Variants in MRPS9 observed in about 807,000 individuals in gnomAD.
MRPS9 encodes mitochondrial ribosomal protein S9, also known as small ribosomal subunit protein uS9m.
Under a neutral mutation model 59.9 loss-of-function variants are expected in MRPS9, and 45 were observed. The observed-to-expected ratio is 0.75, with a 90% CI of 0.59 to 0.96. The LOEUF is 0.96. Ranked by LOEUF, MRPS9 falls within the 40% of genes least tolerant of loss-of-function variation. MRPS9 has a pLI of 0.00. For missense variants in MRPS9, 473 were observed against 481.1 expected (o/e 0.98, Z 0.16); for synonymous variants, 171 against 166.8 (o/e 1.03, Z -0.19).
At chr2:105,053,206 G>A (rs564079343) in intron 2 of MRPS9, among the ~76,000 whole-genome samples, 67 of 152,292 alleles carry the variant, frequency 4.4e-4, no homozygotes, top group African/African-American at 1.5e-3. Flanking sequence ...GTTGTTTGGA[G>A]TAGTTTGTTC....
At chr2:105,046,654 CG>C (rs1214153387) in intron 1 of MRPS9, among the ~76,000 whole-genome samples, 1 of 151,986 alleles carries the variant, frequency 6.6e-6, no homozygotes, top group Non-Finnish European at 1.5e-5. Context: ...AGGAGCCATA[CG>C]CTCCAGGAGG....
chr2:105,084,640 C>T (rs1680413760), intron 5 of MRPS9, among the ~76,000 whole-genome samples: 1 of 152,158 alleles, frequency 6.6e-6, no homozygotes, highest in Admixed American at 6.5e-5. Flanking sequence ...AGTGACCCTT[C>T]TCGCAGTGAG....
intron 2 of MRPS9, among the ~76,000 whole-genome samples, chr2:105,057,908 AG>A (rs1408062174): frequency 2.6e-5 from 4 of 152,070 alleles, no homozygotes; most frequent in African/African-American, 9.7e-5. Context: ...TTAAAAGTTA[AG>A]TTCTACATTA....
At chr2:105,092,672 G>C (rs183594336) in intron 8 of MRPS9, 103 bp downstream of exon 8, 230 of 1,083,212 alleles carry the variant, frequency 2.1e-4, no homozygotes, top group Non-Finnish European at 2.5e-4. Context: ...TTTTTTATTT[G>C]TTTATTTTTG....
intron 2 of MRPS9, among the ~76,000 whole-genome samples, chr2:105,053,834 A>C (rs1679753819): frequency 6.6e-6 from 1 of 152,234 alleles, no homozygotes; most frequent in African/African-American, 2.4e-5. Context: ...TGATTGTGTT[A>C]ACAGAATATT....
At chr2:105,072,720 A>T (rs752356888) in intron 4 of MRPS9, among the ~76,000 whole-genome samples, 2 of 152,236 alleles carry the variant, frequency 1.3e-5, no homozygotes, top group Non-Finnish European at 2.9e-5. Flanking sequence ...AGATATTTCT[A>T]TAGAAGACTT....
At chr2:105,087,800 T>TTTCC (rs59753300) in intron 5 of MRPS9, among the ~76,000 whole-genome samples, 3,351 of 138,640 alleles carry the variant, frequency 0.024, 57 homozygotes, top group Middle Eastern at 0.11. Context: ...TCCTGCCTTT[T>TTTCC]TTCCTTCCTT....
At chr2:105,077,145 T>G (rs1345842491) in intron 4 of MRPS9, among the ~76,000 whole-genome samples, 1 of 150,974 alleles carries the variant, frequency 6.6e-6, no homozygotes, top group Non-Finnish European at 1.5e-5. Flanking sequence ...CTCGGGAGGC[T>G]AAGGCAGGAG....
rs745323074 is a variant in MRPS9 at position 105,097,138 on chromosome 2, C to T, written c.930-17C>T. On this transcript the variant is annotated splice_polypyrimidine_tract_variant and intron_variant, in intron 9 of 10. Coordinates refer to ENST00000258455, the MANE Select transcript of MRPS9 (RefSeq NM_182640.3). The stretch of plus-strand genomic sequence containing the variant: ...TTTATAGTAAACGTAACCACATTTA[C>T]TTGTGCTGTGCTTTAGAGAACAGCT... 4.7e-6 allele frequency: 7 copies of T among 1,490,612 alleles called. No homozygotes were observed. In the South Asian group the frequency reaches 9.8e-5, roughly 21 times the overall value. 92.3% of individuals were successfully genotyped at this position (1,490,612 alleles called of 1,614,324 possible). A position where few individuals can be genotyped will look rare whatever the true frequency, so the allele number is the denominator to read the frequency against.
chr2:105,079,166 G>T (rs376919965), intron 4 of MRPS9, among the ~76,000 whole-genome samples: 12 of 152,152 alleles, frequency 7.9e-5, no homozygotes, highest in African/African-American at 2.4e-4. Context: ...TAAACTTCTC[G>T]ATTATGAAAG....
At chr2:105,071,609 A>G in intron 4 of MRPS9, 120 bp downstream of exon 4, 1 of 893,096 alleles carries the variant, frequency 1.1e-6, no homozygotes, top group Non-Finnish European at 1.7e-6. Context: ...GTAGTTGTGA[A>G]GTAGGTCAAA....
At chr2:105,070,134 ATTTG>A (rs2104453844) in intron 2 of MRPS9, among the ~76,000 whole-genome samples, 1 of 152,110 alleles carries the variant, frequency 6.6e-6, no homozygotes, top group South Asian at 2.1e-4. Flanking sequence ...TAAGTTTTTT[ATTTG>A]TTTGTTTATT....
At chr2:105,047,015 C>T (rs1319044243) in intron 1 of MRPS9, among the ~76,000 whole-genome samples, 1 of 151,870 alleles carries the variant, frequency 6.6e-6, no homozygotes, top group African/African-American at 2.4e-5. Flanking sequence ...CCCTGGAAAA[C>T]AGTAAAAACG....
intron 1 of MRPS9, among the ~76,000 whole-genome samples, chr2:105,039,322 T>G (rs1309957407): frequency 6.6e-6 from 1 of 151,884 alleles, no homozygotes; most frequent in Non-Finnish European, 1.5e-5. Context: ...CATTTGTTTT[T>G]TTTTTTTTTC....
intron 1 of MRPS9, among the ~76,000 whole-genome samples, chr2:105,041,494 T>C (rs1679501454): frequency 6.6e-6 from 1 of 151,708 alleles, no homozygotes; most frequent in Admixed American, 6.6e-5. Flanking sequence ...TGGTTTCCAC[T>C]GTAAACACAT....
intron 2 of MRPS9, among the ~76,000 whole-genome samples, chr2:105,070,325 G>GA (rs1680090573): frequency 6.6e-6 from 1 of 152,040 alleles, no homozygotes; most frequent in Non-Finnish European, 1.5e-5. Context: ...TTGAATAAGA[G>GA]AATGAAGCTT....
At chr2:105,092,963 C>A (rs1415253353) in intron 8 of MRPS9, among the ~76,000 whole-genome samples, 1 of 152,162 alleles carries the variant, frequency 6.6e-6, no homozygotes, top group Non-Finnish European at 1.5e-5. Context: ...ACTTCACGTC[C>A]TTAACTCACA....
chr2:105,070,875 A>G (rs1454647446), intron 2 of MRPS9, among the ~76,000 whole-genome samples: 1 of 151,910 alleles, frequency 6.6e-6, no homozygotes, highest in Non-Finnish European at 1.5e-5. Context: ...AAACTCTGGA[A>G]AAAGTTGAAA....
intron 4 of MRPS9, 24 bp from the exon 5 acceptor site, chr2:105,079,959 T>C (rs763954870): frequency 6.3e-7 from 1 of 1,592,328 alleles, no homozygotes; most frequent in South Asian, 1.1e-5. Flanking sequence ...TTTTATTTGC[T>C]TTCATCTGGC....
Sources: allele counts gnomAD v4.1 joint callset (sites outside exome capture counted in the v4.1 genomes callset), GRCh38; gene constraint gnomAD v4.1.1; transcripts MANE v1.5; gene names NCBI Gene and HGNC (gene_info 2026-07-23, HGNC 2026-07-21).